Variants in TERF1 observed in about 807,000 individuals in gnomAD.
TERF1 encodes telomeric repeat binding factor 1.
In TERF1, 20 loss-of-function variants were observed where a neutral mutation model predicts 55.1. That is an observed-to-expected ratio of 0.36 (90% confidence interval 0.26 to 0.53). The LOEUF (loss-of-function observed/expected upper bound fraction) is 0.53. Among genes scored for constraint, TERF1 ranks in the 20% least tolerant of loss-of-function variants. The pLI is 0.91. For synonymous variants in TERF1, 168 were observed against 181.2 expected (o/e 0.93, Z 0.59); for missense variants, 439 against 535.7 (o/e 0.82, Z 1.78).
chr8:73,033,357 G>C (rs1003133124), intron 8 of TERF1, among the ~76,000 whole-genome samples: 3 of 152,142 alleles, frequency 2.0e-5, no homozygotes, highest in Non-Finnish European at 2.9e-5. Flanking sequence ...ATTGCTGCAA[G>C]ACGGCTGGGA....
chr8:73,039,136 A>G lies in TERF1; in HGVS notation c.1060A>G (p.Ser354Gly). The G allele has an allele frequency of 1.3e-6, 2 of 1,589,500 alleles. No individual in the cohort carries two copies. Among genetic ancestry groups the G allele is most frequent in the Non-Finnish European group, 1.7e-6 (2 of 1,171,070 alleles). The change falls in exon 9 of 10, where the codon AGC becomes GGC. Residue 354 changes from serine to glycine, a missense_variant. Coordinates refer to ENST00000276603, the MANE Select transcript of TERF1 (RefSeq NM_017489.3). ...TPQSTKKKKE[S>G]RRATESRIPV... ...TTTAGGTACAAAAAAGAAAAAAGAA[A>G]GCAGAAGAGCCACTGAAAGCAGAAT...
chr8:73,012,368 C>T (rs1289623867), intron 1 of TERF1: 1 of 152,438 alleles, frequency 6.6e-6, no homozygotes, highest in African/African-American at 2.4e-5. Context: ...GTGACAGGTA[C>T]AGGTACTGTT....
chr8:73,037,296 T>G (rs1250072872), intron 8 of TERF1, among the ~76,000 whole-genome samples: 1 of 136,978 alleles, frequency 7.3e-6, no homozygotes, highest in Non-Finnish European at 1.5e-5. Flanking sequence ...TTTATCTATC[T>G]TATCTACCTA....
chr8:73,026,957 A>G lies in TERF1; in HGVS notation c.792A>G (p.Val264=), dbSNP rs1809032996. The G allele has an allele frequency of 6.2e-7, 1 of 1,611,536 alleles. No individual in the cohort carries two copies. The highest frequency in any genetic ancestry group is 8.5e-7 in the Non-Finnish European group (1 of 1,179,684). ...TTTTTAAGGCAGCGGCAAAAGTAGTAGAAAGCAAAAGGACAAGAACAATAA... is the reference window on the plus strand; with the variant it reads ...TTTTTAAGGCAGCGGCAAAAGTAGTGGAAAGCAAAAGGACAAGAACAATAA... ...TFLMKAAAKV[V]ESKRTRTITS... is the part of the protein sequence containing the mutation. Residue 264 remains valine, a synonymous_variant, in exon 6 of 10, where the codon GTA becomes GTG. Transcript: ENST00000276603.
intron 8 of TERF1, among the ~76,000 whole-genome samples, chr8:73,034,374 C>T (rs149444926): frequency 0.017 from 2,530 of 151,964 alleles, 68 homozygotes; most frequent in African/African-American, 0.057. Flanking sequence ...TCAGGCAATC[C>T]GCCCACCTCG....
intron 4 of TERF1, among the ~76,000 whole-genome samples, 192 bp downstream of exon 4, chr8:73,022,494 A>G (rs560969559): frequency 1.3e-5 from 2 of 152,248 alleles, no homozygotes; most frequent in East Asian, 3.9e-4. Flanking sequence ...AGTAGCTTAC[A>G]CCTATAATTC....
At chr8:73,025,534 C>A (rs1009742843) in intron 5 of TERF1, among the ~76,000 whole-genome samples, 2 of 151,918 alleles carry the variant, frequency 1.3e-5, no homozygotes, top group African/African-American at 4.8e-5. Flanking sequence ...AGGTGAATCA[C>A]ACGGTCAGGC....
intron 8 of TERF1, among the ~76,000 whole-genome samples, chr8:73,036,462 A>G (rs573084404): frequency 6.6e-6 from 1 of 152,294 alleles, no homozygotes; most frequent in Admixed American, 6.5e-5. Context: ...CATTGTTAAC[A>G]ATAGATGATT....
chr8:73,010,133 G>T (rs1474684857), intron 1 of TERF1: 1 of 152,086 alleles, frequency 6.6e-6, no homozygotes, highest in Non-Finnish European at 1.5e-5. Context: ...AAATTACTGT[G>T]CAAGTATATA....
intron 6 of TERF1, among the ~76,000 whole-genome samples, chr8:73,028,355 A>G (rs2129817752): frequency 6.6e-6 from 1 of 152,220 alleles, no homozygotes; most frequent in East Asian, 1.9e-4. Flanking sequence ...CTGCTCTCCA[A>G]GTATTAGGAA....
intron 7 of TERF1, 162 bp downstream of exon 7, chr8:73,030,557 T>C: frequency 2.1e-6 from 1 of 480,316 alleles, no homozygotes; most frequent in Non-Finnish European, 3.6e-6. Context: ...ATCTTGAAAT[T>C]CCAAACTGTA....
chr8:73,009,515 C>T (rs1008961605), intron 1 of TERF1: 39 of 322,832 alleles, frequency 1.2e-4, no homozygotes, highest in Non-Finnish European at 1.7e-5. Context: ...TCTTTTGGCG[C>T]TTTCTACTCA....
At chr8:73,033,611 G>A (rs919189711) in intron 8 of TERF1, among the ~76,000 whole-genome samples, 4 of 152,130 alleles carry the variant, frequency 2.6e-5, no homozygotes, top group African/African-American at 7.2e-5. Flanking sequence ...GTGCCTGCCT[G>A]TAATGCCAGC....
intron 2 of TERF1, 76 bp downstream of exon 2, chr8:73,014,066 G>A (rs1808389453): frequency 1.0e-5 from 13 of 1,259,308 alleles, no homozygotes; most frequent in South Asian, 3.8e-5. Context: ...AGAAACAGAC[G>A]TTTTTGGGGG....
chr8:73,027,152 A>C, intron 6 of TERF1, 100 bp downstream of exon 6: 1 of 829,846 alleles, frequency 1.2e-6, no homozygotes, highest in Admixed American at 2.8e-5. Flanking sequence ...ATTGAGTAGC[A>C]TGTTATCTTG....
intron 1 of TERF1, chr8:73,009,417 A>G (rs1351546848): frequency 5.2e-6 from 3 of 575,278 alleles, no homozygotes; most frequent in African/African-American, 3.8e-5. Context: ...CCTCTTCGAT[A>G]AAATGAAAAT....
intron 1 of TERF1, 75 bp downstream of exon 1, chr8:73,009,280 G>A: frequency 2.3e-6 from 3 of 1,313,864 alleles, no homozygotes; most frequent in Non-Finnish European, 3.1e-6. Context: ...GCAGAGGGCT[G>A]GTTCCCTACG....
chr8:73,038,917 T>C, intron 8 of TERF1, 199 bp from the exon 9 acceptor site: 1 of 510,124 alleles, frequency 2.0e-6, no homozygotes, highest in Non-Finnish European at 3.1e-6. Context: ...GAATCAAGAC[T>C]CAAAACACTC....
intron 2 of TERF1, among the ~76,000 whole-genome samples, chr8:73,018,771 C>G (rs958929617): frequency 1.3e-5 from 2 of 152,152 alleles, no homozygotes; most frequent in African/African-American, 4.8e-5. Context: ...CTAGGAATTA[C>G]AGGGATTTAG....
Sources: allele counts gnomAD v4.1 joint callset (sites outside exome capture counted in the v4.1 genomes callset), GRCh38; gene constraint gnomAD v4.1.1; transcripts MANE v1.5; gene names NCBI Gene and HGNC (gene_info 2026-07-23, HGNC 2026-07-21).